The following BICC1 variants were observed in gnomAD, a reference collection of about 807,000 sequenced individuals.
BICC1 encodes the protein protein bicaudal C homolog 1.
Under a neutral mutation model 111.0 loss-of-function variants are expected in BICC1, and 43 were observed. The observed-to-expected ratio is 0.39, with a 90% CI of 0.30 to 0.50. The LOEUF is 0.50. BICC1 is among the 20% of genes least tolerant of loss of function. The pLI is 0.88. For synonymous variants in BICC1, 467 were observed against 434.4 expected (o/e 1.07, Z -0.93); for missense variants, 1,091 against 1,203.2 (o/e 0.91, Z 1.38).
At chr10:58,594,182 G>A (rs530248986) in intron 1 of BICC1, among the ~76,000 whole-genome samples, 20 of 151,962 alleles carry the variant, frequency 1.3e-4, no homozygotes, top group African/African-American at 4.8e-4. Flanking sequence ...GAGAAAAAAG[G>A]ATAAAAAGGA....
At chr10:58,589,590 GC>G (rs996675922) in intron 1 of BICC1, among the ~76,000 whole-genome samples, 19 of 151,892 alleles carry the variant, frequency 1.3e-4, no homozygotes, top group African/African-American at 4.6e-4. Context: ...TCTTGCCCCA[GC>G]CTCCCAAGTA....
At chr10:58,552,928 CAGATAT>C (rs1336601496) in intron 1 of BICC1, among the ~76,000 whole-genome samples, 1 of 152,166 alleles carries the variant, frequency 6.6e-6, no homozygotes, top group East Asian at 1.9e-4. Context: ...GGCTTTCAGA[CAGATAT>C]ATAATATTTT....
chr10:58,608,845 A>G (rs541879486), intron 1 of BICC1, among the ~76,000 whole-genome samples: 1 of 152,360 alleles, frequency 6.6e-6, no homozygotes. Flanking sequence ...ATAAATTTGT[A>G]TAAATAAATA....
chr10:58,619,021 T>TA (rs1845712776), intron 1 of BICC1, among the ~76,000 whole-genome samples: 1 of 23,090 alleles, frequency 4.3e-5, no homozygotes. Flanking sequence ...TCTCTCCTTG[T>TA]GCTTCCATTG....
intron 2 of BICC1, among the ~76,000 whole-genome samples, chr10:58,645,966 G>A (rs1175731099): frequency 6.6e-6 from 1 of 152,020 alleles, no homozygotes; most frequent in Admixed American, 6.5e-5. Flanking sequence ...GTTATGGTCA[G>A]TCCTTTACTT....
At chr10:58,822,811 A>G (rs144935977) in intron 20 of BICC1, among the ~76,000 whole-genome samples, 1,653 of 152,236 alleles carry the variant, frequency 0.011, 30 homozygotes, top group African/African-American at 0.037. Flanking sequence ...CTGTCTCCCT[A>G]TGGATGCAGT....
chr10:58,610,685 A>G (rs1288931287), intron 1 of BICC1, among the ~76,000 whole-genome samples: 2 of 150,272 alleles, frequency 1.3e-5, no homozygotes, highest in Admixed American at 6.7e-5. Flanking sequence ...TTCGTGTTTC[A>G]TTTGATGTGA....
At chr10:58,741,056 A>C (rs919154541) in intron 3 of BICC1, among the ~76,000 whole-genome samples, 2 of 152,166 alleles carry the variant, frequency 1.3e-5, no homozygotes, top group African/African-American at 4.8e-5. Context: ...TGGATTTGGG[A>C]CCAAATTGAG....
intron 10 of BICC1, among the ~76,000 whole-genome samples, chr10:58,797,564 G>A (rs912820391): frequency 2.6e-5 from 4 of 152,130 alleles, no homozygotes; most frequent in Admixed American, 6.5e-5. Flanking sequence ...TGTGAGTCAG[G>A]AAATGCCAAT....
At chr10:58,614,142 C>T (rs1012502700) in intron 1 of BICC1, among the ~76,000 whole-genome samples, 33 of 152,008 alleles carry the variant, frequency 2.2e-4, no homozygotes, top group East Asian at 1.9e-4. Flanking sequence ...CAGAAGAATC[C>T]GTGTTTGGGG....
intron 3 of BICC1, among the ~76,000 whole-genome samples, chr10:58,750,636 A>C (rs1235676278): frequency 6.6e-6 from 1 of 152,162 alleles, no homozygotes; most frequent in East Asian, 1.9e-4. Flanking sequence ...GGTGCATCCT[A>C]CAGTCAATAA....
chr10:58,666,344 T>G (rs866169814), intron 2 of BICC1, among the ~76,000 whole-genome samples: 2 of 152,202 alleles, frequency 1.3e-5, no homozygotes, highest in Non-Finnish European at 2.9e-5. Flanking sequence ...AGGTGCATAT[T>G]ACTAAGTTAG....
At chr10:58,757,090 A>C (rs1233199246) in intron 3 of BICC1, among the ~76,000 whole-genome samples, 1 of 152,216 alleles carries the variant, frequency 6.6e-6, no homozygotes, top group Non-Finnish European at 1.5e-5. Flanking sequence ...TGTAATTTAT[A>C]ATACGGGATG....
At chr10:58,817,472 G>A in intron 18 of BICC1, 90 bp from the exon 19 acceptor site, 1 of 1,406,288 alleles carries the variant, frequency 7.1e-7, no homozygotes, top group Non-Finnish European at 1.0e-6. Flanking sequence ...AACAATGGAA[G>A]TTGAAATATT....
rs1214104352 is a variant in BICC1 at position 58,788,346 on chromosome 10, CTT to C, written c.547-22_547-21del. On this transcript the variant is annotated intron_variant, in intron 5 of 20. Coordinates refer to ENST00000373886, the MANE Select transcript of BICC1 (RefSeq NM_001080512.3). Reference sequence around the variant, plus strand: ...GTGAGTTTGATTAAAATAAATCTAACTTTGTATTTTCCTCCTCTTATAGGTAT... The same window carrying C: ...GTGAGTTTGATTAAAATAAATCTAACTGTATTTTCCTCCTCTTATAGGTAT... The C allele has an allele frequency of 3.2e-6, 5 of 1,560,870 alleles. No individual in the cohort carries two copies. In the African/African-American group the frequency reaches 5.4e-5, roughly 17 times the overall value.
chr10:58,792,025 C>G (rs767485528), intron 8 of BICC1, among the ~76,000 whole-genome samples: 21 of 152,120 alleles, frequency 1.4e-4, no homozygotes, highest in Non-Finnish European at 2.9e-4. Context: ...CTCTTGGCCT[C>G]AAGTGATCCA....
At chr10:58,758,161 T>G (rs1842198802) in intron 3 of BICC1, among the ~76,000 whole-genome samples, 1 of 152,220 alleles carries the variant, frequency 6.6e-6, no homozygotes, top group African/African-American at 2.4e-5. Context: ...TTAAAAATTT[T>G]TTTTGGTTGG....
At chr10:58,757,050 G>A (rs1842168336) in intron 3 of BICC1, among the ~76,000 whole-genome samples, 1 of 152,106 alleles carries the variant, frequency 6.6e-6, no homozygotes, top group Non-Finnish European at 1.5e-5. Flanking sequence ...TAATAACAAA[G>A]CCCTTTTATT....
chr10:58,627,103 A>G (rs1210954485), intron 2 of BICC1, among the ~76,000 whole-genome samples: 1 of 147,114 alleles, frequency 6.8e-6, no homozygotes, highest in Admixed American at 6.8e-5. Context: ...ACTCCATCTC[A>G]AAAAAAAAAA....
Sources: gnomAD v4.1 joint callset for allele counts (sites outside exome capture counted in the v4.1 genomes callset) on GRCh38, gnomAD v4.1.1 for gene constraint, MANE v1.5 for transcripts, NCBI Gene and HGNC (gene_info 2026-07-23, HGNC 2026-07-21) for gene names.